Variants in RTN1 observed in about 807,000 individuals in gnomAD.
RTN1 encodes the protein reticulon 1.
Under a neutral mutation model 65.5 loss-of-function variants are expected in RTN1, and 25 were observed. The observed-to-expected ratio is 0.38, with a 90% confidence interval of 0.28 to 0.53. The LOEUF is 0.53. Ranked by LOEUF, RTN1 falls within the 20% of genes least tolerant of loss-of-function variation. The pLI, the probability that RTN1 is intolerant of heterozygous loss-of-function variation, is 0.79. For synonymous variants in RTN1, 471 were observed against 447.6 expected, an observed-to-expected ratio of 1.05 and a Z score of -0.66; for missense variants, 983 against 1,025.4, an observed-to-expected ratio of 0.96 and a Z score of 0.57.
At chr14:59,715,825 CAAA>C (rs76299030) in intron 3 of RTN1, among the ~76,000 whole-genome samples, 1 of 88,398 alleles carries the variant, frequency 1.1e-5, no homozygotes. Context: ...GACTCCATCT[CAAA>C]AAAAAAAAAA....
intron 5 of RTN1, 46 bp downstream of exon 5, chr14:59,605,322 A>C (rs769295785): frequency 6.3e-7 from 1 of 1,577,652 alleles, no homozygotes; most frequent in Non-Finnish European, 8.6e-7. Flanking sequence ...ACCTTTAGGG[A>C]AAATAACAGT....
At chr14:59,694,232 T>C (rs941516010) in intron 3 of RTN1, among the ~76,000 whole-genome samples, 2 of 152,216 alleles carry the variant, frequency 1.3e-5, no homozygotes, top group African/African-American at 4.8e-5. Flanking sequence ...AATAAAATAT[T>C]GATTCATGAT....
intron 3 of RTN1, among the ~76,000 whole-genome samples, chr14:59,651,757 C>A (rs968825730): frequency 6.6e-6 from 1 of 151,564 alleles, no homozygotes; most frequent in African/African-American, 2.4e-5. Flanking sequence ...AAACAAACAA[C>A]CCCCCCAAAA....
At chr14:59,657,281 T>C (rs922179816) in intron 3 of RTN1, among the ~76,000 whole-genome samples, 3 of 152,140 alleles carry the variant, frequency 2.0e-5, no homozygotes, top group African/African-American at 7.2e-5. Flanking sequence ...TGGTGGCACA[T>C]GCCTGTAATC....
At chr14:59,695,058 TA>T (rs1884035200) in intron 3 of RTN1, among the ~76,000 whole-genome samples, 1 of 152,118 alleles carries the variant, frequency 6.6e-6, no homozygotes, top group South Asian at 2.1e-4. Flanking sequence ...AAAACAGCAA[TA>T]CCAGCTTCTC....
chr14:59,772,491 A>T (rs74061304), intron 1 of RTN1, among the ~76,000 whole-genome samples: 6,598 of 152,002 alleles, frequency 0.043, 459 homozygotes, highest in African/African-American at 0.15. Flanking sequence ...ATCTTTCCGG[A>T]TTAAGTTACG....
intron 1 of RTN1, among the ~76,000 whole-genome samples, chr14:59,748,299 G>A (rs1885272230): frequency 7.2e-6 from 1 of 138,286 alleles, no homozygotes; most frequent in Admixed American, 8.0e-5. Flanking sequence ...CTTTTTGGTT[G>A]CACAAGCTAT....
intron 3 of RTN1, among the ~76,000 whole-genome samples, chr14:59,704,750 T>C (rs554037077): frequency 6.6e-6 from 1 of 152,266 alleles, no homozygotes; most frequent in Non-Finnish European, 1.5e-5. Flanking sequence ...GAGCCAGTGC[T>C]GGTACTGGAA....
chr14:59,799,573 C>T (rs551686415), intron 1 of RTN1, among the ~76,000 whole-genome samples: 40 of 152,254 alleles, frequency 2.6e-4, no homozygotes, highest in South Asian at 2.3e-3. Flanking sequence ...TAAATGTGGG[C>T]TAATGCATAA....
At chr14:59,689,122 A>G (rs1227881469) in intron 3 of RTN1, among the ~76,000 whole-genome samples, 1 of 152,172 alleles carries the variant, frequency 6.6e-6, no homozygotes, top group Non-Finnish European at 1.5e-5. Context: ...AAAAAAAACC[A>G]GAACTTCTAT....
intron 3 of RTN1, among the ~76,000 whole-genome samples, chr14:59,613,800 G>T (rs1336141631): frequency 1.4e-5 from 2 of 138,982 alleles, no homozygotes; most frequent in Non-Finnish European, 3.2e-5. Context: ...CACATACCCT[G>T]TTTTGGAAAA....
At position 59,712,741 on chromosome 14, in the gene RTN1, G is replaced by A. The variant is rs1306514199; in HGVS notation, c.1765+14178C>T. Among the ~76,000 whole-genome samples the A allele has an allele frequency of 3.3e-5, 5 of 151,996 alleles. No homozygotes were observed. In the East Asian group the frequency reaches 9.7e-4, roughly 29 times the overall value. On this transcript the variant is annotated intron_variant, in intron 3 of 8. Transcript: ENST00000267484. ...AGCCTGGGCAACATGGTGAAACCCT[G>A]TCTCTACTAAAAATACAAAATTAGC... is the stretch of plus-strand genomic sequence containing the variant.
Position 59,870,715 on chromosome 14 carries a change from G to C in RTN1, c.-85C>G, listed in dbSNP as rs1166232553. The C allele has an allele frequency of 6.4e-6, 8 of 1,255,920 alleles. No homozygotes were observed. The highest frequency in any genetic ancestry group is 8.0e-6 in the Non-Finnish European group (8 of 999,618). 77.8% of individuals were successfully genotyped at this position (1,255,920 alleles called of 1,614,324 possible). ...GCGGGCGCTCCCTGCTGCTGTCCCC[G>C]GAGGGACTCGGCGCTCAGGGAAGCT... On this transcript the variant is annotated 5_prime_UTR_variant, in exon 1 of 9. Transcript: ENST00000267484. The surrounding 1 kb of genome is among the most constrained non-coding windows in gnomAD (Gnocchi z 5.1).
At chr14:59,735,286 T>C (rs768177322) in intron 2 of RTN1, among the ~76,000 whole-genome samples, 10 of 152,024 alleles carry the variant, frequency 6.6e-5, no homozygotes, top group Non-Finnish European at 1.0e-4. Flanking sequence ...CAAAAACACA[T>C]TGAAGTATAC....
rs116824033 is a variant in RTN1, at chr14:59,732,138, T to C, written c.1016-4470A>G. ...CAAGAGTGAACTCCAAAAGCAAAGA[T>C]ATGGAAGTGAAAAAGGAAGGGGTCT... On this transcript the variant is annotated intron_variant, in intron 2 of 8. Transcript: ENST00000267484. Among the ~76,000 whole-genome samples, 719 of 151,978 alleles carry C rather than the reference T, an allele frequency of 4.7e-3. 7 individuals are homozygous for C. The highest frequency in any genetic ancestry group is 0.017 in the African/African-American group (704 of 41,442).
At chr14:59,646,975 G>A (rs766893450) in intron 3 of RTN1, 3 of 154,120 alleles carry the variant, frequency 1.9e-5, no homozygotes, top group African/African-American at 7.2e-5. Context: ...TAACCAGCTT[G>A]TCACTCTGTG....
chr14:59,624,211 C>T (rs559201064), intron 3 of RTN1, among the ~76,000 whole-genome samples: 114 of 152,230 alleles, frequency 7.5e-4, no homozygotes, highest in Non-Finnish European at 1.4e-3. Flanking sequence ...AAAGATATAG[C>T]TCAAACATAC....
chr14:59,687,303 A>T (rs1883867050), intron 3 of RTN1, among the ~76,000 whole-genome samples: 1 of 151,792 alleles, frequency 6.6e-6, no homozygotes, highest in Non-Finnish European at 1.5e-5. Context: ...GATATAGATC[A>T]TGGTGCAGAA....
In RTN1 at chr14:59,815,172, A is replaced by G. The variant is rs558439217; in HGVS notation, c.241+55218T>C. Among the ~76,000 whole-genome samples the G allele has an allele frequency of 5.9e-5, 9 of 152,356 alleles. No individual in the cohort carries two copies. In the South Asian group the frequency reaches 6.2e-4, roughly 11 times the overall value. On this transcript the variant is annotated intron_variant, in intron 1 of 8. Coordinates refer to ENST00000267484, the MANE Select transcript of RTN1 (RefSeq NM_021136.3). ...CAGAAAGCTTTTTCTTTGAGTTACT[A>G]TCATAGGCACTGATGACCATCCTAA...
Sources: allele counts gnomAD v4.1 joint callset (sites outside exome capture counted in the v4.1 genomes callset), GRCh38; gene constraint gnomAD v4.1.1; non-coding constraint Gnocchi (gnomAD v3.1); transcripts MANE v1.5; gene names NCBI Gene and HGNC (gene_info 2026-07-23, HGNC 2026-07-21).